Variants in SEPTIN7 observed in about 807,000 individuals in gnomAD.
SEPTIN7 encodes septin-7.
Under a neutral mutation model 63.3 loss-of-function variants are expected in SEPTIN7, and 10 were observed. That is an observed-to-expected ratio of 0.16 (90% CI 0.10 to 0.27). The LOEUF is 0.27. Among genes scored for constraint, SEPTIN7 ranks in the 10% least tolerant of loss-of-function variants. SEPTIN7 has a pLI of 1.00. For missense variants in SEPTIN7, 310 were observed against 521.0 expected (o/e 0.59, Z 3.94); for synonymous variants, 131 against 165.3 (o/e 0.79, Z 1.59).
chr7:35,884,596 GAGA>G (rs1378839458), intron 9 of SEPTIN7, among the ~76,000 whole-genome samples: 2 of 152,158 alleles, frequency 1.3e-5, no homozygotes, highest in Non-Finnish European at 2.9e-5. Flanking sequence ...AACATTTGGA[GAGA>G]AGGCCAGTCA....
intron 9 of SEPTIN7, 95 bp from the exon 10 acceptor site, chr7:35,885,733 T>C: frequency 2.2e-6 from 2 of 919,976 alleles, no homozygotes; most frequent in Non-Finnish European, 3.5e-6. Context: ...GCATTTCCTC[T>C]TCTTGTTTTT....
chr7:35,843,338 C>G (rs903914908), intron 3 of SEPTIN7, among the ~76,000 whole-genome samples: 8 of 152,172 alleles, frequency 5.3e-5, no homozygotes, highest in African/African-American at 1.7e-4. Flanking sequence ...CTAGTCCATT[C>G]GTATGCTCTA....
chr7:35,862,996 T>C (rs1583582349), intron 3 of SEPTIN7, among the ~76,000 whole-genome samples: 1 of 152,070 alleles, frequency 6.6e-6, no homozygotes. Context: ...AGTAATTACC[T>C]AAGATTTTTT....
chr7:35,884,917 G>A (rs747834567), intron 9 of SEPTIN7, among the ~76,000 whole-genome samples: 20 of 152,046 alleles, frequency 1.3e-4, no homozygotes, highest in Non-Finnish European at 2.2e-4. Flanking sequence ...TAGGTTTATT[G>A]TATTGGTTTA....
intron 1 of SEPTIN7, among the ~76,000 whole-genome samples, chr7:35,820,488 C>A (rs1217375216): frequency 6.6e-6 from 1 of 151,728 alleles, no homozygotes; most frequent in Non-Finnish European, 1.5e-5. Flanking sequence ...TTTGGTGATT[C>A]TTTTTTCTGC....
intron 3 of SEPTIN7, among the ~76,000 whole-genome samples, chr7:35,850,795 A>G (rs1283297196): frequency 6.6e-6 from 1 of 152,208 alleles, no homozygotes; most frequent in South Asian, 2.1e-4. Context: ...ATCAAGGACT[A>G]CATCTTATCT....
At chr7:35,840,209 TTCCC>T (rs1784343309) in intron 3 of SEPTIN7, among the ~76,000 whole-genome samples, 1 of 68,454 alleles carries the variant, frequency 1.5e-5, no homozygotes, top group African/African-American at 6.0e-5. Context: ...CCTCCCCCCT[TTCCC>T]CTCCCCCCTT....
chr7:35,836,668 G>T (rs1236318899), intron 3 of SEPTIN7, among the ~76,000 whole-genome samples: 1 of 152,000 alleles, frequency 6.6e-6, no homozygotes. Context: ...GAGTTACTTA[G>T]TTAGTGATAG....
intron 11 of SEPTIN7, among the ~76,000 whole-genome samples, chr7:35,897,352 T>G (rs2116367301): frequency 6.6e-6 from 1 of 152,270 alleles, no homozygotes; most frequent in East Asian, 1.9e-4. Flanking sequence ...GCTCCTGGGC[T>G]GAAAGCACTA....
downstream of SEPTIN7, among the ~76,000 whole-genome samples, chr7:35,909,580 G>A (rs1788702387): frequency 6.6e-6 from 1 of 152,210 alleles, no homozygotes; most frequent in African/African-American, 2.4e-5. Flanking sequence ...AAGGGAGAGA[G>A]AACTCACTTT....
chr7:35,849,427 C>T (rs1784847492), intron 3 of SEPTIN7, among the ~76,000 whole-genome samples: 1 of 152,104 alleles, frequency 6.6e-6, no homozygotes, highest in South Asian at 2.1e-4. Flanking sequence ...GCTTGCATTC[C>T]TTTGAGAATC....
At chr7:35,885,983 A>G in intron 10 of SEPTIN7, 104 bp downstream of exon 10, 1 of 735,738 alleles carries the variant, frequency 1.4e-6, no homozygotes, top group South Asian at 1.7e-5. Context: ...ATTTAAATTT[A>G]TATCTTCAGT....
At chr7:35,842,936 A>G (rs1260408443) in intron 3 of SEPTIN7, among the ~76,000 whole-genome samples, 1 of 152,130 alleles carries the variant, frequency 6.6e-6, no homozygotes, top group Non-Finnish European at 1.5e-5. Flanking sequence ...ACATTTATAT[A>G]TATATGTGTG....
chr7:35,822,133 G>A (rs1789457524), intron 1 of SEPTIN7, among the ~76,000 whole-genome samples: 1 of 151,878 alleles, frequency 6.6e-6, no homozygotes, highest in Admixed American at 6.6e-5. Flanking sequence ...AGGCTGGAGT[G>A]CTGTAGCACC....
At position 35,843,003 on chromosome 7, in the gene SEPTIN7, A is replaced by G. The variant is rs530749764; in HGVS notation, c.169+10103A>G. Among the ~76,000 whole-genome samples the G allele has an allele frequency of 6.6e-5, 10 of 152,248 alleles. No homozygotes were observed. In the East Asian group the frequency reaches 1.2e-3, roughly 18 times the overall value. Reference sequence around the variant, plus strand: ...ACACTTAAATCTCCAATTTCATTCCATCACTGTAGGGGTCCTAATTTTCAT... The same window carrying G: ...ACACTTAAATCTCCAATTTCATTCCGTCACTGTAGGGGTCCTAATTTTCAT... On this transcript the variant is annotated intron_variant, in intron 3 of 13. Transcript: ENST00000350320.
At chr7:35,807,407 G>A (rs917256397) in intron 1 of SEPTIN7, among the ~76,000 whole-genome samples, 4 of 136,392 alleles carry the variant, frequency 2.9e-5, no homozygotes, top group Admixed American at 8.1e-5. Context: ...TGTCGCCCAG[G>A]CTGGAGTGCA....
At chr7:35,801,536 G>T (rs1253436062) in intron 1 of SEPTIN7, among the ~76,000 whole-genome samples, 1 of 151,762 alleles carries the variant, frequency 6.6e-6, no homozygotes, top group Non-Finnish European at 1.5e-5. Flanking sequence ...GGCCCCCGGC[G>T]CAGAGCCGCG....
At chr7:35,913,942 T>C in the SEPTIN7 span, among the ~76,000 whole-genome samples, 3 of 152,172 alleles carry the variant, frequency 2.0e-5, no homozygotes, top group Admixed American at 1.3e-4. Context: ...TTTGCTTGAA[T>C]TCACGATCAA....
intron 10 of SEPTIN7, 76 bp downstream of exon 10, chr7:35,885,955 C>T: frequency 9.9e-7 from 1 of 1,007,094 alleles, no homozygotes; most frequent in African/African-American, 1.6e-5. Flanking sequence ...TACTTTTTGC[C>T]TTCTATAAAT....
Sources: allele counts gnomAD v4.1 joint callset (sites outside exome capture counted in the v4.1 genomes callset), GRCh38; gene constraint gnomAD v4.1.1; transcripts MANE v1.5; gene names NCBI Gene and HGNC (gene_info 2026-07-23, HGNC 2026-07-21).